HHAT: variants seen among roughly 807,000 people sequenced by gnomAD.
HHAT encodes the protein hedgehog acyltransferase.
In HHAT, 47 loss-of-function variants were observed where a neutral mutation model predicts 70.8. The ratio of observed to expected loss-of-function variants is 0.66; its 90% CI spans 0.53 to 0.85. The LOEUF (loss-of-function observed/expected upper bound fraction) is 0.85. Among genes scored for constraint, HHAT ranks in the 40% least tolerant of loss-of-function variants. HHAT has a pLI of 0.00. For synonymous variants in HHAT, 228 were observed against 247.6 expected (o/e 0.92, Z 0.74); for missense variants, 609 against 604.8 (o/e 1.01, Z -0.07).
chr1:210,512,640 C>A (rs78948614), intron 8 of HHAT, among the ~76,000 whole-genome samples: 9,526 of 139,766 alleles, frequency 0.068, 866 homozygotes, highest in East Asian at 0.33. Context: ...CGCTGCACTT[C>A]AGCCTGGGTG....
rs1179226314 is a variant in HHAT at position 210,365,339 on chromosome 1, C to T, written c.159+2420C>T. 4.3e-4 allele frequency among the ~76,000 whole-genome samples: 11 copies of T among 25,692 alleles called. No homozygotes were observed. The East Asian group carries it at 7.1e-3, about 17-fold the overall frequency. 16.9% of individuals were successfully genotyped at this position (25,692 alleles called of 152,430 possible). ...TTTTTTTTTTTTTTTTTTTTTGAGA[C>T]GGAGTCTCCCTCTGTTGCCCAGGCT... On this transcript the variant is annotated intron_variant, in intron 3 of 11. Transcript: ENST00000261458.
intron 11 of HHAT, among the ~76,000 whole-genome samples, chr1:210,639,079 C>T (rs142278123): frequency 6.6e-5 from 10 of 152,146 alleles, no homozygotes; most frequent in South Asian, 4.2e-4. Flanking sequence ...ATAATTGATC[C>T]GATATGGCCC....
chr1:210,407,086 T>G (rs1032015357), intron 6 of HHAT, among the ~76,000 whole-genome samples: 1 of 152,170 alleles, frequency 6.6e-6, no homozygotes, highest in Non-Finnish European at 1.5e-5. Context: ...GTTTCTGCAC[T>G]TGCTGAAGGT....
Position 210,392,594 on chromosome 1 carries a change from A to G in HHAT, c.273+5013A>G, listed in dbSNP as rs547885264. On this transcript the variant is annotated intron_variant, in intron 4 of 11. Transcript: ENST00000261458. ...ACCTAAAACTTAGATAAAATATAGTACTAATCTTCTACAAATGTTAAATTA... is the reference window on the plus strand; with the variant it reads ...ACCTAAAACTTAGATAAAATATAGTGCTAATCTTCTACAAATGTTAAATTA... Among the ~76,000 whole-genome samples the G allele has an allele frequency of 1.2e-4, 18 of 152,254 alleles. 1 individual carries two copies. The South Asian group carries it at 3.3e-3, about 28-fold the overall frequency.
chr1:210,425,476 T>C (rs897575513), intron 7 of HHAT, among the ~76,000 whole-genome samples: 1 of 152,128 alleles, frequency 6.6e-6, no homozygotes, highest in Non-Finnish European at 1.5e-5. Context: ...TAGTTTTGGG[T>C]TTTACATTTA....
At chr1:210,416,050 A>G (rs909122863) in intron 6 of HHAT, among the ~76,000 whole-genome samples, 35 of 152,212 alleles carry the variant, frequency 2.3e-4, no homozygotes, top group African/African-American at 8.4e-4. Flanking sequence ...TGTGCAGATG[A>G]TTGTAATGCC....
At chr1:210,422,607 G>A (rs368253348) in intron 7 of HHAT, among the ~76,000 whole-genome samples, 3 of 151,994 alleles carry the variant, frequency 2.0e-5, no homozygotes, top group African/African-American at 7.3e-5. Flanking sequence ...TGGTGGCATG[G>A]TATTCCATGG....
intron 3 of HHAT, among the ~76,000 whole-genome samples, chr1:210,371,480 T>C (rs2089567223): frequency 6.6e-6 from 1 of 152,208 alleles, no homozygotes; most frequent in African/African-American, 2.4e-5. Flanking sequence ...CCTGACATTT[T>C]GGAGACTCTT....
intron 8 of HHAT, among the ~76,000 whole-genome samples, chr1:210,485,918 G>C (rs1347616299): frequency 1.3e-5 from 2 of 152,216 alleles, no homozygotes; most frequent in East Asian, 3.9e-4. Context: ...GTTGTCTTGT[G>C]TTTCCAAAGG....
At chr1:210,636,066 A>G (rs1671814841) in intron 11 of HHAT, among the ~76,000 whole-genome samples, 2 of 152,228 alleles carry the variant, frequency 1.3e-5, no homozygotes, top group African/African-American at 2.4e-5. Context: ...TTAAATCTGT[A>G]TGAATCTGTG....
At chr1:210,360,831 A>G (rs2088205736) in intron 2 of HHAT, among the ~76,000 whole-genome samples, 1 of 147,418 alleles carries the variant, frequency 6.8e-6, no homozygotes. Flanking sequence ...ATATTGGAAT[A>G]AATAATTAAC....
chr1:210,353,487 C>G (rs1281257219), intron 2 of HHAT, among the ~76,000 whole-genome samples: 1 of 141,208 alleles, frequency 7.1e-6, no homozygotes, highest in Non-Finnish European at 1.5e-5. Context: ...AAGTCTTTGA[C>G]TATTTCAGTT....
At chr1:210,673,801 AT>A (rs1241995110) in intron 11 of HHAT, among the ~76,000 whole-genome samples, 1 of 128,594 alleles carries the variant, frequency 7.8e-6, no homozygotes, top group African/African-American at 3.8e-5. Flanking sequence ...TTATTTATTT[AT>A]TTATTTATTT....
chr1:210,541,331 T>C (rs2095428947), intron 9 of HHAT, among the ~76,000 whole-genome samples: 1 of 152,166 alleles, frequency 6.6e-6, no homozygotes, highest in Non-Finnish European at 1.5e-5. Flanking sequence ...GTGAATCCAA[T>C]AGACTGTGGG....
At chr1:210,437,441 A>C (rs546201497) in intron 7 of HHAT, among the ~76,000 whole-genome samples, 1 of 151,866 alleles carries the variant, frequency 6.6e-6, no homozygotes, top group East Asian at 1.9e-4. Context: ...CCTCCAAAAC[A>C]GAAGAGGTCT....
chr1:210,495,455 T>C (rs2094621428), intron 8 of HHAT, among the ~76,000 whole-genome samples: 1 of 152,162 alleles, frequency 6.6e-6, no homozygotes, highest in Admixed American at 6.5e-5. Flanking sequence ...GCAACATTTT[T>C]GACTCATCGG....
chr1:210,432,139 C>T (rs995503578), intron 7 of HHAT, among the ~76,000 whole-genome samples: 1 of 151,684 alleles, frequency 6.6e-6, no homozygotes, highest in Non-Finnish European at 1.5e-5. Context: ...CCCAGGGATG[C>T]GACTGGAGCT....
At chr1:210,496,034 A>AAAAAAAAAG (rs1558024204) in intron 8 of HHAT, among the ~76,000 whole-genome samples, 1 of 149,164 alleles carries the variant, frequency 6.7e-6, no homozygotes, top group Admixed American at 7.0e-5. Context: ...AAAAAAAGAA[A>AAAAAAAAAG]AAGAAAATGG....
At chr1:210,404,217 A>G (rs2092225016) in intron 5 of HHAT, among the ~76,000 whole-genome samples, 1 of 152,198 alleles carries the variant, frequency 6.6e-6, no homozygotes, top group Non-Finnish European at 1.5e-5. Context: ...CTAGGTTAAC[A>G]TTAGAGATGT....
Sources: gnomAD v4.1 joint callset for allele counts (sites outside exome capture counted in the v4.1 genomes callset) on GRCh38, gnomAD v4.1.1 for gene constraint, MANE v1.5 for transcripts, NCBI Gene and HGNC (gene_info 2026-07-23, HGNC 2026-07-21) for gene names.